SLC30A8: variants seen among roughly 807,000 people sequenced by gnomAD.
SLC30A8 encodes the protein proton-coupled zinc antiporter SLC30A8.
SLC30A8 carries 27 observed loss-of-function variants against 36.9 expected under a neutral mutation model. That is an observed-to-expected ratio of 0.73 (90% CI 0.54 to 1.01). The LOEUF (loss-of-function observed/expected upper bound fraction) is 1.01. Among genes scored for constraint, SLC30A8 ranks in the 50% least tolerant of loss-of-function variants. The probability of loss-of-function intolerance (pLI) is 0.00; values close to 1 mark genes in which losing one functional copy is unlikely to be tolerated. For synonymous variants in SLC30A8, 164 were observed against 172.4 expected (o/e 0.95, Z 0.38); for missense variants, 439 against 452.0 (o/e 0.97, Z 0.26).
At chr8:117,001,721 A>G (rs1816016783) in intron 1 of SLC30A8, among the ~76,000 whole-genome samples, 1 of 152,182 alleles carries the variant, frequency 6.6e-6, no homozygotes, top group Non-Finnish European at 1.5e-5. Context: ...AAAGAAAATC[A>G]AACTGTAAAA....
chr8:117,056,420 C>T (rs372589938), intron 2 of SLC30A8, among the ~76,000 whole-genome samples: 138 of 152,342 alleles, frequency 9.1e-4, no homozygotes, highest in African/African-American at 3.1e-3. Context: ...CTTTACCACT[C>T]CTCGTCCCTA....
intron 2 of SLC30A8, among the ~76,000 whole-genome samples, chr8:117,116,610 G>T (rs1207322000): frequency 1.3e-5 from 2 of 151,966 alleles, no homozygotes; most frequent in African/African-American, 4.8e-5. Context: ...TTTATATAAA[G>T]AATTAGAATT....
chr8:117,066,286 C>A (rs976370233), intron 2 of SLC30A8, among the ~76,000 whole-genome samples: 2 of 152,158 alleles, frequency 1.3e-5, no homozygotes, highest in African/African-American at 4.8e-5. Context: ...TGTGTTCAGT[C>A]CAAGGAGGCT....
chr8:116,992,093 CA>C (rs1815665640), intron 1 of SLC30A8, among the ~76,000 whole-genome samples: 1 of 152,054 alleles, frequency 6.6e-6, no homozygotes, highest in South Asian at 2.1e-4. Context: ...GACTGAAATG[CA>C]TTAAAATTAC....
intron 1 of SLC30A8, among the ~76,000 whole-genome samples, chr8:117,000,093 C>G (rs569281052): frequency 6.6e-6 from 1 of 152,308 alleles, no homozygotes; most frequent in Non-Finnish European, 1.5e-5. Flanking sequence ...TTCTCCATTT[C>G]AAGCTGATTG....
intron 2 of SLC30A8, among the ~76,000 whole-genome samples, chr8:117,052,156 G>A (rs150654581): frequency 1.2e-4 from 18 of 152,150 alleles, no homozygotes; most frequent in African/African-American, 3.1e-4. Flanking sequence ...GATTAAAGGC[G>A]TGCACCACCA....
intron 2 of SLC30A8, among the ~76,000 whole-genome samples, chr8:117,064,219 T>C (rs1415823634): frequency 1.3e-5 from 2 of 152,136 alleles, no homozygotes; most frequent in Admixed American, 6.5e-5. Context: ...CTCAAACTCC[T>C]GACTTCAGGT....
At chr8:117,062,183 T>G (rs1818038833) in intron 2 of SLC30A8, among the ~76,000 whole-genome samples, 1 of 152,228 alleles carries the variant, frequency 6.6e-6, no homozygotes, top group Non-Finnish European at 1.5e-5. Flanking sequence ...AGAGGCAGTC[T>G]TAGTCCAATG....
At chr8:117,097,421 A>ATG (rs1819435452) in intron 2 of SLC30A8, among the ~76,000 whole-genome samples, 1 of 84,570 alleles carries the variant, frequency 1.2e-5, no homozygotes, top group Non-Finnish European at 2.3e-5. Context: ...AAAAAAAAAT[A>ATG]TATATAAATA....
intron 2 of SLC30A8, among the ~76,000 whole-genome samples, chr8:117,055,645 T>C (rs545494211): frequency 6.6e-6 from 1 of 152,360 alleles, no homozygotes; most frequent in South Asian, 2.1e-4. Flanking sequence ...ATATTTCCAG[T>C]TCAGTAGAAC....
chr8:117,075,053 T>C (rs1563580272), intron 2 of SLC30A8, among the ~76,000 whole-genome samples: 2 of 152,180 alleles, frequency 1.3e-5, no homozygotes, highest in Admixed American at 6.5e-5. Context: ...CATGCCTTTA[T>C]GTAGTGGAAA....
intron 6 of SLC30A8, among the ~76,000 whole-genome samples, chr8:117,167,707 AAAC>A (rs1380984076): frequency 6.6e-6 from 1 of 151,278 alleles, no homozygotes; most frequent in African/African-American, 2.5e-5. Context: ...TTGACATTAT[AAAC>A]AATGATGTAA....
chr8:116,985,981 G>A (rs1218455440), intron 1 of SLC30A8, among the ~76,000 whole-genome samples: 2 of 152,158 alleles, frequency 1.3e-5, no homozygotes, highest in East Asian at 3.8e-4. Flanking sequence ...ACTGGGATGA[G>A]TCTTTACACT....
chr8:116,966,958 G>A (rs1387346936), intron 1 of SLC30A8, among the ~76,000 whole-genome samples: 2 of 152,194 alleles, frequency 1.3e-5, no homozygotes, highest in African/African-American at 4.8e-5. Context: ...TCACCAAAGG[G>A]AGATTCAGAA....
intron 1 of SLC30A8, among the ~76,000 whole-genome samples, chr8:116,998,982 G>C (rs1815911927): frequency 1.3e-5 from 2 of 152,136 alleles, no homozygotes; most frequent in South Asian, 4.1e-4. Context: ...CTAACATATG[G>C]GCCACGCGTG....
intron 1 of SLC30A8, among the ~76,000 whole-genome samples, chr8:116,991,528 C>T (rs1331089462): frequency 6.6e-6 from 1 of 152,168 alleles, no homozygotes; most frequent in Non-Finnish European, 1.5e-5. Flanking sequence ...TGATCTTAAA[C>T]TCCTGACCTC....
At chr8:116,981,093 T>C (rs1044132402) in intron 1 of SLC30A8, among the ~76,000 whole-genome samples, 3 of 152,234 alleles carry the variant, frequency 2.0e-5, no homozygotes, top group Non-Finnish European at 4.4e-5. Context: ...CGGCTGGTAC[T>C]GGAGGTGTTA....
At chr8:117,128,245 G>A (rs965566056) in intron 2 of SLC30A8, among the ~76,000 whole-genome samples, 22 of 152,048 alleles carry the variant, frequency 1.4e-4, no homozygotes, top group Non-Finnish European at 2.8e-4. Context: ...GCTGACTTAC[G>A]GGGAATTATG....
chr8:117,074,699 CT>C (rs1322996162), intron 2 of SLC30A8, among the ~76,000 whole-genome samples: 1 of 152,194 alleles, frequency 6.6e-6, no homozygotes, highest in Non-Finnish European at 1.5e-5. Flanking sequence ...TACTCGTCAT[CT>C]TTTGAACCTG....
Sources: allele counts gnomAD v4.1 joint callset (sites outside exome capture counted in the v4.1 genomes callset), GRCh38; gene constraint gnomAD v4.1.1; transcripts MANE v1.5; gene names NCBI Gene and HGNC (gene_info 2026-07-23, HGNC 2026-07-21).